The following SPIRE1 variants were observed in gnomAD, a reference collection of about 807,000 sequenced individuals.
SPIRE1 encodes the protein spire type actin nucleation factor 1, also known as protein spire homolog 1.
In SPIRE1, 40 loss-of-function variants were observed where a neutral mutation model predicts 94.1. The ratio of observed to expected loss-of-function variants is 0.43; its 90% CI spans 0.33 to 0.55. The LOEUF (loss-of-function observed/expected upper bound fraction) is 0.55, where lower values mean the gene tolerates loss of function less well. Ranked by LOEUF, SPIRE1 falls within the 20% of genes least tolerant of loss-of-function variation. SPIRE1 has a pLI of 0.06. For synonymous variants in SPIRE1, 376 were observed against 371.7 expected (o/e 1.01, Z -0.13); for missense variants, 838 against 975.2 (o/e 0.86, Z 1.87).
rs542707552 is a variant in SPIRE1 at position 12,650,624 on chromosome 18, C to T, written c.337+6906G>A. Among the ~76,000 whole-genome samples the T allele has an allele frequency of 4.1e-5, 6 of 147,530 alleles. No homozygotes were observed. The East Asian group carries it at 8.1e-4, about 20-fold the overall frequency. ...ACTCGGGAGGCTGAGGCAGGAGAAT[C>T]GCTTGAACCCGGGAGGCAGAGGTTG... On this transcript the variant is annotated intron_variant, in intron 1 of 16. Coordinates refer to ENST00000409402, the MANE Select transcript of SPIRE1 (RefSeq NM_001128626.2).
intron 2 of SPIRE1, among the ~76,000 whole-genome samples, chr18:12,631,791 G>C (rs953019776): frequency 6.6e-6 from 1 of 152,148 alleles, no homozygotes; most frequent in African/African-American, 2.4e-5. Context: ...CTTGAACCCA[G>C]GAGGCAGAGG....
At chr18:12,655,696 A>C (rs955793620) in intron 1 of SPIRE1, among the ~76,000 whole-genome samples, 4 of 89,434 alleles carry the variant, frequency 4.5e-5, no homozygotes, top group African/African-American at 1.2e-4. Context: ...GATTCAGACC[A>C]AAAAAAAAGA....
intron 10 of SPIRE1, among the ~76,000 whole-genome samples, chr18:12,477,831 G>A (rs759634824): frequency 2.6e-5 from 4 of 152,150 alleles, no homozygotes; most frequent in Admixed American, 6.5e-5. Flanking sequence ...ACGGCTGTGC[G>A]TGGCTGAGGC....
At chr18:12,460,640 A>G (rs781079447) in intron 12 of SPIRE1, among the ~76,000 whole-genome samples, 150 of 151,802 alleles carry the variant, frequency 9.9e-4, no homozygotes, top group Middle Eastern at 6.8e-3. Flanking sequence ...TCAATCCGGG[A>G]GGCGGAGGTT....
At chr18:12,553,242 G>C (rs527714933) in intron 2 of SPIRE1, among the ~76,000 whole-genome samples, 2 of 152,190 alleles carry the variant, frequency 1.3e-5, no homozygotes, top group Non-Finnish European at 2.9e-5. Context: ...TACCAGCTTG[G>C]CCACAGTGGG....
At chr18:12,561,268 ATTT>A (rs34495303) in intron 2 of SPIRE1, among the ~76,000 whole-genome samples, 10 of 134,866 alleles carry the variant, frequency 7.4e-5, no homozygotes, top group African/African-American at 1.3e-4. Flanking sequence ...GAATAGATCA[ATTT>A]TTTTTTTTTT....
Position 12,464,767 on chromosome 18 carries a change from T to C in SPIRE1, c.1495+101A>G, listed in dbSNP as rs1375715893. 4 of 879,412 alleles carry C rather than the reference T, an allele frequency of 4.5e-6. No homozygotes were observed. In the East Asian group the frequency reaches 7.5e-5, roughly 17 times the overall value. 54.5% of individuals were successfully genotyped at this position (879,412 alleles called of 1,614,324 possible). On this transcript the variant is annotated intron_variant, in intron 11 of 16. Coordinates refer to ENST00000409402, the MANE Select transcript of SPIRE1 (RefSeq NM_001128626.2). ...GTGAAATGCCTGAGTTAGTTCTTTC[T>C]ACCCTAGATGATCACAGGGCGCTCT...
rs1224403387 is a variant in SPIRE1, at chr18:12,512,442, T to C, written c.807+12A>G. 3 of 1,595,872 alleles carry C rather than the reference T, an allele frequency of 1.9e-6. No individual in the cohort carries two copies. ...GACAGTAAACAGATCAGAAAGCATT[T>C]CCAGCTCTTACCCAGTCAGCGTTTT... On this transcript the variant is annotated intron_variant, in intron 5 of 16. Transcript: ENST00000409402.
chr18:12,661,497 C>A, upstream of SPIRE1: 1 of 293,812 alleles, frequency 3.4e-6, no homozygotes, highest in Non-Finnish European at 5.1e-6. Flanking sequence ...TGAGGCCAGG[C>A]GCAGTGGCTC....
At chr18:12,542,045 C>T (rs572596584) in intron 3 of SPIRE1, among the ~76,000 whole-genome samples, 7 of 151,720 alleles carry the variant, frequency 4.6e-5, no homozygotes, top group Admixed American at 1.3e-4. Flanking sequence ...GGCATGATCT[C>T]GGCTCACTGC....
At chr18:12,635,128 A>G (rs958115635) in intron 1 of SPIRE1, 32 bp from the exon 2 acceptor site, 37 of 1,192,254 alleles carry the variant, frequency 3.1e-5, no homozygotes, top group Non-Finnish European at 3.8e-5. Flanking sequence ...TTACTTTAAA[A>G]AGATTTCAGC....
At chr18:12,637,480 A>G (rs914445335) in intron 1 of SPIRE1, among the ~76,000 whole-genome samples, 3 of 152,174 alleles carry the variant, frequency 2.0e-5, no homozygotes, top group African/African-American at 7.2e-5. Flanking sequence ...GTAGTATAAA[A>G]TTCTGAAACT....
intron 1 of SPIRE1, among the ~76,000 whole-genome samples, chr18:12,648,913 A>G (rs1371430916): frequency 1.4e-5 from 2 of 143,648 alleles, no homozygotes; most frequent in Non-Finnish European, 3.1e-5. Context: ...AAAAAAAAAG[A>G]AAAAGGACAT....
At chr18:12,601,780 CA>C (rs1598516492) in intron 2 of SPIRE1, among the ~76,000 whole-genome samples, 1 of 152,168 alleles carries the variant, frequency 6.6e-6, no homozygotes, top group East Asian at 1.9e-4. Flanking sequence ...GAGGTTCCTC[CA>C]TGTGGCTATA....
intron 2 of SPIRE1, among the ~76,000 whole-genome samples, chr18:12,549,892 A>G (rs540920488): frequency 6.6e-6 from 1 of 152,082 alleles, no homozygotes; most frequent in African/African-American, 2.4e-5. Flanking sequence ...AAGACCCAAG[A>G]ATCACTCAGC....
chr18:12,608,113 G>A (rs945303333), intron 2 of SPIRE1, among the ~76,000 whole-genome samples: 6 of 149,312 alleles, frequency 4.0e-5, no homozygotes, highest in East Asian at 2.0e-4. Context: ...AGCCGAGATC[G>A]CGCCACTGCA....
chr18:12,475,764 TACC>T (rs1384278003), intron 10 of SPIRE1, among the ~76,000 whole-genome samples: 4 of 152,192 alleles, frequency 2.6e-5, no homozygotes, highest in Non-Finnish European at 4.4e-5. Flanking sequence ...GGAGCAAAAC[TACC>T]ACGTTTTGGA....
chr18:12,648,310 T>C (rs1015206779), intron 1 of SPIRE1, among the ~76,000 whole-genome samples: 1 of 152,150 alleles, frequency 6.6e-6, no homozygotes. Flanking sequence ...CTTAATCAAG[T>C]GTCCAGGTTA....
intron 2 of SPIRE1, among the ~76,000 whole-genome samples, chr18:12,626,348 T>C (rs1282081599): frequency 1.3e-5 from 2 of 152,124 alleles, no homozygotes; most frequent in African/African-American, 4.8e-5. Flanking sequence ...TAAAGCAGAT[T>C]TGACTTTCCA....
Sources: gnomAD v4.1 joint callset for allele counts (sites outside exome capture counted in the v4.1 genomes callset) on GRCh38, gnomAD v4.1.1 for gene constraint, MANE v1.5 for transcripts, NCBI Gene and HGNC (gene_info 2026-07-23, HGNC 2026-07-21) for gene names.